PALM2AKAP2: variants seen among roughly 807,000 people sequenced by gnomAD.
PALM2AKAP2 encodes PALM2 and AKAP2 fusion.
Under a neutral mutation model 71.5 loss-of-function variants are expected in PALM2AKAP2, and 37 were observed. The ratio of observed to expected loss-of-function variants is 0.52; its 90% CI spans 0.40 to 0.68. The LOEUF (loss-of-function observed/expected upper bound fraction) is 0.68. Among genes scored for constraint, PALM2AKAP2 ranks in the 30% least tolerant of loss-of-function variants. PALM2AKAP2 has a pLI of 0.00. For missense variants in PALM2AKAP2, 1,224 were observed against 1,191.8 expected, an observed-to-expected ratio of 1.03 and a Z score of -0.40; for synonymous variants, 468 against 478.8, an observed-to-expected ratio of 0.98 and a Z score of 0.29.
At chr9:110,019,065 G>A (rs993300664) in intron 7 of PALM2AKAP2, among the ~76,000 whole-genome samples, 1 of 151,744 alleles carries the variant, frequency 6.6e-6, no homozygotes, top group Non-Finnish European at 1.5e-5. Context: ...CATGTGAAAT[G>A]CCGACTCTAC....
chr9:110,086,150 G>A (rs1834569795), intron 1 of PALM2AKAP2, among the ~76,000 whole-genome samples: 1 of 151,828 alleles, frequency 6.6e-6, no homozygotes, highest in Admixed American at 6.6e-5. Context: ...GTTGCAAGTG[G>A]TATAAGACTG....
exon 4 of PALM2AKAP2, chr9:110,168,901 A>C (rs1587887680): frequency 5.9e-6 from 1 of 168,568 alleles, no homozygotes; most frequent in South Asian, 1.5e-4. Flanking sequence ...GGTGCAGCCT[A>C]CATGGCACAG....
chr9:110,062,833 T>G (rs529798135), intron 1 of PALM2AKAP2, among the ~76,000 whole-genome samples: 1 of 152,334 alleles, frequency 6.6e-6, no homozygotes, highest in East Asian at 1.9e-4. Context: ...AGCTGAGAAC[T>G]GGGTCACGCA....
At chr9:109,988,529 A>G (rs1392167243) in intron 6 of PALM2AKAP2, among the ~76,000 whole-genome samples, 2 of 151,466 alleles carry the variant, frequency 1.3e-5, no homozygotes, top group Non-Finnish European at 2.9e-5. Flanking sequence ...GGGAGGGAAG[A>G]AGGAAGGCAA....
At chr9:110,109,681 C>T (rs923088413) in intron 1 of PALM2AKAP2, among the ~76,000 whole-genome samples, 5 of 152,216 alleles carry the variant, frequency 3.3e-5, no homozygotes, top group African/African-American at 1.2e-4. Flanking sequence ...GCAGGTTTAA[C>T]CTGAATCCTT....
chr9:110,144,965 A>T (rs997930652), intron 2 of PALM2AKAP2, among the ~76,000 whole-genome samples: 3 of 152,156 alleles, frequency 2.0e-5, no homozygotes, highest in Admixed American at 6.5e-5. Flanking sequence ...TCCAAAATCC[A>T]TCTTCTTTCC....
chr9:109,912,733 C>G (rs1288857548), intron 3 of PALM2AKAP2, among the ~76,000 whole-genome samples: 1 of 152,108 alleles, frequency 6.6e-6, no homozygotes, highest in Non-Finnish European at 1.5e-5. Context: ...GACAGACAGA[C>G]AGACAGATAA....
intron 1 of PALM2AKAP2, among the ~76,000 whole-genome samples, chr9:109,809,674 G>A (rs1199649577): frequency 6.6e-6 from 1 of 152,194 alleles, no homozygotes. Flanking sequence ...TGACATGTGA[G>A]GACCTGAGAT....
At chr9:109,979,583 A>G (rs1203044958) in intron 6 of PALM2AKAP2, among the ~76,000 whole-genome samples, 2 of 152,182 alleles carry the variant, frequency 1.3e-5, no homozygotes, top group African/African-American at 4.8e-5. Flanking sequence ...GGGAGCTTCT[A>G]TTTGGTGGCT....
chr9:110,170,605 C>G (rs768698363), exon 4 of PALM2AKAP2: 9 of 152,322 alleles, frequency 5.9e-5, no homozygotes, highest in Non-Finnish European at 1.0e-4. Context: ...ATGGTTGAGT[C>G]TCCTGAATAT....
chr9:110,127,975 A>G (rs1835652053), intron 1 of PALM2AKAP2: 1 of 152,198 alleles, frequency 6.6e-6, no homozygotes, highest in South Asian at 2.1e-4. Flanking sequence ...GAGAGCATAT[A>G]GCTCTGCAGG....
intron 6 of PALM2AKAP2, among the ~76,000 whole-genome samples, chr9:109,938,964 G>A (rs904790751): frequency 1.3e-5 from 2 of 152,106 alleles, no homozygotes; most frequent in Admixed American, 1.3e-4. Flanking sequence ...GGGAGGCAGA[G>A]GTTGCAGTGA....
At chr9:109,929,887 A>T (rs796707135) in intron 5 of PALM2AKAP2, among the ~76,000 whole-genome samples, 31 of 143,694 alleles carry the variant, frequency 2.2e-4, no homozygotes, top group Non-Finnish European at 2.9e-4. Flanking sequence ...AAAAAAAAAA[A>T]GAGAGAGAAT....
intron 1 of PALM2AKAP2, among the ~76,000 whole-genome samples, chr9:110,105,178 A>C (rs550495386): frequency 1.3e-5 from 2 of 152,328 alleles, no homozygotes; most frequent in South Asian, 4.1e-4. Flanking sequence ...AGGCCAAATA[A>C]ATCAGAAGCT....
chr9:109,971,831 A>G (rs1343670855), intron 6 of PALM2AKAP2, among the ~76,000 whole-genome samples: 9 of 152,152 alleles, frequency 5.9e-5, no homozygotes, highest in Non-Finnish European at 5.9e-5. Flanking sequence ...CCCACTGCAC[A>G]CTACACAGCC....
At chr9:109,855,548 T>C (rs1055873910) in intron 1 of PALM2AKAP2, among the ~76,000 whole-genome samples, 9 of 152,168 alleles carry the variant, frequency 5.9e-5, no homozygotes, top group African/African-American at 2.2e-4. Flanking sequence ...AGTTCGTCAG[T>C]TTTGTGCTTT....
At chr9:109,917,153 G>A (rs930767082) in intron 3 of PALM2AKAP2, among the ~76,000 whole-genome samples, 2 of 152,224 alleles carry the variant, frequency 1.3e-5, no homozygotes, top group African/African-American at 4.8e-5. Flanking sequence ...AGATGCAACA[G>A]TGCTGGTTTT....
intron 6 of PALM2AKAP2, among the ~76,000 whole-genome samples, chr9:110,009,015 A>C (rs1832831493): frequency 6.6e-6 from 1 of 152,152 alleles, no homozygotes; most frequent in Non-Finnish European, 1.5e-5. Flanking sequence ...AGAACTGGGA[A>C]TATTTGCATG....
chr9:109,999,526 T>A (rs1014717351), intron 6 of PALM2AKAP2, among the ~76,000 whole-genome samples: 1 of 152,138 alleles, frequency 6.6e-6, no homozygotes, highest in Non-Finnish European at 1.5e-5. Context: ...CTGCCTTCTC[T>A]CTTGTAGCAT....
Sources: gnomAD v4.1 joint callset for allele counts (sites outside exome capture counted in the v4.1 genomes callset) on GRCh38, gnomAD v4.1.1 for gene constraint, MANE v1.5 for transcripts, NCBI Gene and HGNC (gene_info 2026-07-23, HGNC 2026-07-21) for gene names.